The following OPRM1 variants were observed in gnomAD, a reference collection of about 807,000 sequenced individuals.
OPRM1 encodes the protein opioid receptor mu 1.
Under a neutral mutation model 31.8 loss-of-function variants are expected in OPRM1, and 27 were observed. That is an observed-to-expected ratio of 0.85 (90% CI 0.63 to 1.17). The LOEUF (loss-of-function observed/expected upper bound fraction) is 1.17, where lower values mean the gene tolerates loss of function less well. OPRM1 is among the 50% of genes most tolerant of loss of function. The probability of loss-of-function intolerance (pLI) is 0.00; values close to 1 mark genes in which losing one functional copy is unlikely to be tolerated. For missense variants in OPRM1, 536 were observed against 511.1 expected, an observed-to-expected ratio of 1.05 and a Z score of -0.47; for synonymous variants, 196 against 189.9, an observed-to-expected ratio of 1.03 and a Z score of -0.26.
At chr6:154,220,403 T>A (rs1294401509) in intron 3 of OPRM1, among the ~76,000 whole-genome samples, 1 of 152,196 alleles carries the variant, frequency 6.6e-6, no homozygotes, top group South Asian at 2.1e-4. Context: ...TACGCCTTAG[T>A]TCCAGCACTT....
At chr6:154,143,339 TC>T (rs917696076) in intron 3 of OPRM1, among the ~76,000 whole-genome samples, 2 of 152,160 alleles carry the variant, frequency 1.3e-5, no homozygotes, top group African/African-American at 4.8e-5. Flanking sequence ...AAAATGCAGC[TC>T]AAACTTCACC....
upstream of OPRM1, among the ~76,000 whole-genome samples, chr6:154,037,372 A>AG (rs1779372939): frequency 6.6e-6 from 1 of 151,154 alleles, no homozygotes. Context: ...AAAAAAAAAA[A>AG]GGGACTTTCA....
chr6:154,142,329 T>C (rs1798238047), intron 3 of OPRM1, among the ~76,000 whole-genome samples: 1 of 53,148 alleles, frequency 1.9e-5, no homozygotes, highest in Non-Finnish European at 4.4e-5. Flanking sequence ...CATCAGCAGC[T>C]TCCAATAAGA....
At chr6:154,166,315 TAAAGATCTAG>T (rs1799426240) in intron 3 of OPRM1, among the ~76,000 whole-genome samples, 1 of 152,196 alleles carries the variant, frequency 6.6e-6, no homozygotes, top group Non-Finnish European at 1.5e-5. Context: ...CATGGTGCCG[TAAAGATCTAG>T]AATCCTGAGT....
chr6:154,035,555 A>T (rs563898953), upstream of OPRM1, among the ~76,000 whole-genome samples: 6 of 152,142 alleles, frequency 3.9e-5, no homozygotes, highest in Non-Finnish European at 7.4e-5. Flanking sequence ...TGTTTCCTGC[A>T]TAGTATTTAT....
intron 3 of OPRM1, among the ~76,000 whole-genome samples, chr6:154,206,757 G>C (rs1583796792): frequency 6.6e-6 from 1 of 152,206 alleles, no homozygotes; most frequent in Admixed American, 6.5e-5. Flanking sequence ...TGGGATTGGG[G>C]TGGGAGTCAG....
chr6:154,194,052 C>A (rs377315987), intron 3 of OPRM1, among the ~76,000 whole-genome samples: 2 of 152,144 alleles, frequency 1.3e-5, no homozygotes, highest in African/African-American at 4.8e-5. Flanking sequence ...GTACACCTAG[C>A]GTACTTAACG....
At chr6:154,138,530 T>C (rs1291371793) in intron 3 of OPRM1, among the ~76,000 whole-genome samples, 2 of 152,148 alleles carry the variant, frequency 1.3e-5, no homozygotes, top group African/African-American at 2.4e-5. Flanking sequence ...GCTCTGCCCA[T>C]GTGTTTGCCG....
intron 3 of OPRM1, among the ~76,000 whole-genome samples, chr6:154,113,534 C>T (rs936922300): frequency 6.6e-6 from 1 of 152,176 alleles, no homozygotes; most frequent in African/African-American, 2.4e-5. Flanking sequence ...TCGCCAAGTA[C>T]TTGTCACCTG....
At chr6:154,150,904 A>C (rs1798482774) in intron 3 of OPRM1, among the ~76,000 whole-genome samples, 1 of 152,198 alleles carries the variant, frequency 6.6e-6, no homozygotes, top group South Asian at 2.1e-4. Context: ...TTTGCTTTAA[A>C]TTGTTAATAG....
rs139263887 is a variant in OPRM1, at chr6:154,123,874, C to T, written c.*5153C>T. 8.7e-4 allele frequency among the ~76,000 whole-genome samples: 133 copies of T among 152,272 alleles called. No individual in the cohort carries two copies. Among genetic ancestry groups the T allele is most frequent in the African/African-American group, 3.1e-3 (128 of 41,556 alleles). On this transcript the variant is annotated 3_prime_UTR_variant, in exon 4 of 4. Transcript: ENST00000330432. ...CATCTTGGTTTTAGTGGGGTTTGGC[C>T]GGCTTCTTTACCACATCCTTTTATC... is the stretch of plus-strand genomic sequence containing the variant.
intron 3 of OPRM1, chr6:154,199,961 T>C: frequency 6.2e-7 from 1 of 1,614,204 alleles, no homozygotes; most frequent in Non-Finnish European, 8.5e-7. Context: ...GCTGGGTGTC[T>C]TCACTGTATT....
At chr6:154,147,725 G>A (rs1016687) in intron 3 of OPRM1, among the ~76,000 whole-genome samples, 1 of 152,102 alleles carries the variant, frequency 6.6e-6, no homozygotes, top group Non-Finnish European at 1.5e-5. Context: ...GGAACCCAAA[G>A]GAACTAAGTG....
intron 3 of OPRM1, among the ~76,000 whole-genome samples, chr6:154,221,793 GA>G (rs1344594781): frequency 1.3e-5 from 2 of 152,250 alleles, no homozygotes; most frequent in Non-Finnish European, 1.5e-5. Context: ...AGAATGGCAT[GA>G]ACCTGGGAGG....
chr6:154,102,918 C>CAAAAAA (rs58694186), intron 3 of OPRM1, among the ~76,000 whole-genome samples: 2 of 80,800 alleles, frequency 2.5e-5, no homozygotes, highest in African/African-American at 3.6e-5. Flanking sequence ...TAACCAGTTG[C>CAAAAAA]AAAAAAAAAA....
At chr6:154,098,634 G>C (rs1481926884) in intron 3 of OPRM1, among the ~76,000 whole-genome samples, 2 of 152,130 alleles carry the variant, frequency 1.3e-5, no homozygotes, top group Non-Finnish European at 2.9e-5. Context: ...CTAAAGGAAA[G>C]GATATTTGAA....
chr6:154,236,288 A>G (rs1327171125), intron 3 of OPRM1, among the ~76,000 whole-genome samples: 1 of 152,236 alleles, frequency 6.6e-6, no homozygotes, highest in Non-Finnish European at 1.5e-5. Context: ...AAAATAGGCC[A>G]GTCACAAAAG....
Position 154,105,167 on chromosome 6 carries a change from C to T in OPRM1, c.1165-13516C>T, listed in dbSNP as rs1583567834. On this transcript the variant is annotated intron_variant, in intron 3 of 3. Transcript: ENST00000330432. ...ATGCCTATGCAAATAACTATACTAC[C>T]ATAAGTTAAGAATACTCACAACTAG... 2.6e-5 allele frequency among the ~76,000 whole-genome samples: 4 copies of T among 152,248 alleles called. No homozygotes were observed. In the South Asian group the frequency reaches 8.3e-4, roughly 32 times the overall value.
At chr6:154,243,310 T>G (rs187082368) in intron 3 of OPRM1, among the ~76,000 whole-genome samples, 2 of 152,222 alleles carry the variant, frequency 1.3e-5, no homozygotes, top group African/African-American at 4.8e-5. Context: ...TTTCTACGGC[T>G]GTTAAACTTG....
Sources: allele counts gnomAD v4.1 joint callset (sites outside exome capture counted in the v4.1 genomes callset), GRCh38; gene constraint gnomAD v4.1.1; transcripts MANE v1.5; gene names NCBI Gene and HGNC (gene_info 2026-07-23, HGNC 2026-07-21).